MMS22L: variants seen among roughly 807,000 people sequenced by gnomAD.
MMS22L encodes MMS22 like, DNA repair protein.
In MMS22L, 74 loss-of-function variants were observed where a neutral mutation model predicts 159.1. That is an observed-to-expected ratio of 0.47 (90% CI 0.39 to 0.56). The LOEUF (loss-of-function observed/expected upper bound fraction) is 0.56, where lower values mean the gene tolerates loss of function less well. Among genes scored for constraint, MMS22L ranks in the 20% least tolerant of loss-of-function variants. The pLI is 0.00. For missense variants in MMS22L, 1,351 were observed against 1,422.1 expected (o/e 0.95, Z 0.80); for synonymous variants, 517 against 506.9 (o/e 1.02, Z -0.27).
At chr6:97,158,569 T>C (rs776795110) in intron 22 of MMS22L, among the ~76,000 whole-genome samples, 7 of 152,050 alleles carry the variant, frequency 4.6e-5, no homozygotes, top group Non-Finnish European at 8.8e-5. Flanking sequence ...TTGTTATTTA[T>C]CCAGTAGTCA....
chr6:97,195,336 A>C (rs1253796901), intron 14 of MMS22L, among the ~76,000 whole-genome samples: 2 of 152,230 alleles, frequency 1.3e-5, no homozygotes, highest in African/African-American at 4.8e-5. Context: ...GTTCCAGACC[A>C]TGTAAGATCT....
Position 97,145,063 on chromosome 6 carries a change from C to CAA in MMS22L, c.*1742_*1743insTT, listed in dbSNP as rs1233954188. On this transcript the variant is annotated 3_prime_UTR_variant, in exon 25 of 25. Coordinates refer to ENST00000683635, the MANE Select transcript of MMS22L (RefSeq NM_001350599.2). ...ACACACACACACACACACACACACA[C>CAA]ACAAAAACACATATACACATAAATA... 1.8e-4 allele frequency: 25 copies of CAA among 138,716 alleles called. No individual in the cohort carries two copies. Among genetic ancestry groups the CAA allele is most frequent in the African/African-American group, 7.3e-4 (23 of 31,436 alleles). The allele number at this position is 138,716 out of a possible 1,614,324, so 8.6% of individuals were successfully genotyped here.
chr6:97,265,998 G>C (rs1371558952), intron 8 of MMS22L: 2 of 152,216 alleles, frequency 1.3e-5, no homozygotes, highest in Non-Finnish European at 2.9e-5. Flanking sequence ...GGGATTACAG[G>C]CGTGAGCCAC....
At chr6:97,242,068 T>A (rs1347716009) in intron 11 of MMS22L, among the ~76,000 whole-genome samples, 1 of 152,214 alleles carries the variant, frequency 6.6e-6, no homozygotes, top group Non-Finnish European at 1.5e-5. Flanking sequence ...AGAGAATGTA[T>A]ATTCTGCAGT....
intron 14 of MMS22L, among the ~76,000 whole-genome samples, chr6:97,201,112 TA>T (rs1807101980): frequency 6.6e-6 from 1 of 152,138 alleles, no homozygotes; most frequent in Admixed American, 6.6e-5. Context: ...AACCAAAATG[TA>T]AACCTGCTTT....
chr6:97,147,135 C>T (rs1261485637), intron 24 of MMS22L, among the ~76,000 whole-genome samples: 1 of 152,006 alleles, frequency 6.6e-6, no homozygotes, highest in Non-Finnish European at 1.5e-5. Context: ...TGTAAAAGTT[C>T]ATTAACCTTC....
chr6:97,228,912 G>T lies in MMS22L; in HGVS notation c.2021C>A (p.Ala674Asp). The T allele has an allele frequency of 6.2e-7, 1 of 1,613,324 alleles. No individual in the cohort carries two copies. Among genetic ancestry groups the T allele is most frequent in the Non-Finnish European group, 8.5e-7 (1 of 1,179,502 alleles). ...ACCATACCTGATTCTGGCCAGAACA[G>T]CTTGTAGGAAGCTCAATACTGTCCT... ...ELRTVLSFLQ[A>D]VLARIRSMHQ... Residue 674 changes from alanine to aspartate, a missense_variant, in exon 14 of 25, where the codon GCT becomes GAT. Transcript: ENST00000683635.
chr6:97,264,901 CAAGT>C (rs1562521528), intron 8 of MMS22L: 1 of 151,982 alleles, frequency 6.6e-6, no homozygotes, highest in Admixed American at 6.6e-5. Context: ...GAATACAACA[CAAGT>C]AAGTAGAAAA....
chr6:97,214,939 C>A (rs578115600), intron 14 of MMS22L, among the ~76,000 whole-genome samples: 36 of 150,968 alleles, frequency 2.4e-4, no homozygotes, highest in African/African-American at 8.2e-4. Flanking sequence ...CCAGTTGAGG[C>A]CCCCTGAAAG....
intron 18 of MMS22L, among the ~76,000 whole-genome samples, chr6:97,174,265 A>T (rs1471561100): frequency 4.7e-5 from 7 of 150,086 alleles, no homozygotes; most frequent in South Asian, 4.2e-4. Context: ...AAAAATAAAA[A>T]AAAAAAAAAA....
intron 14 of MMS22L, among the ~76,000 whole-genome samples, chr6:97,200,852 G>C (rs1562451657): frequency 6.6e-6 from 1 of 150,660 alleles, no homozygotes; most frequent in Admixed American, 6.6e-5. Context: ...CTAGAAATTG[G>C]AAAAAAAAAT....
chr6:97,215,037 C>G (rs2127957802), intron 14 of MMS22L, among the ~76,000 whole-genome samples: 2 of 149,378 alleles, frequency 1.3e-5, no homozygotes, highest in South Asian at 4.2e-4. Context: ...CTAGAAAATT[C>G]TAGAACAATC....
chr6:97,262,898 G>A (rs1814651223), intron 9 of MMS22L, among the ~76,000 whole-genome samples: 1 of 152,034 alleles, frequency 6.6e-6, no homozygotes, highest in African/African-American at 2.4e-5. Context: ...TGAAGTGAAA[G>A]TTTCTCATCT....
At chr6:97,248,069 G>T (rs1436176173) in intron 10 of MMS22L, among the ~76,000 whole-genome samples, 4 of 152,120 alleles carry the variant, frequency 2.6e-5, no homozygotes, top group Non-Finnish European at 5.9e-5. Flanking sequence ...ACGAGGGTTG[G>T]TCACTAACAG....
intron 21 of MMS22L, 54 bp from the exon 22 acceptor site, chr6:97,162,219 A>G: frequency 6.8e-7 from 1 of 1,480,016 alleles, no homozygotes; most frequent in East Asian, 2.3e-5. Context: ...ATAGAGCAAG[A>G]CCAAATGGCA....
Position 97,267,856 on chromosome 6 carries a change from A to C in MMS22L, c.828+16T>G. 1 of 1,570,276 alleles carries C rather than the reference A, an allele frequency of 6.4e-7. No homozygotes were observed. Among genetic ancestry groups the C allele is most frequent in the Non-Finnish European group, 8.6e-7 (1 of 1,163,386 alleles). On this transcript the variant is annotated intron_variant, in intron 8 of 24. Transcript: ENST00000683635. ...CTGTCTTTAAGTCTCAAAAATACAA[A>C]CTCTTAAAGCATTACCTTGTCGTAC... is the stretch of plus-strand genomic sequence containing the variant.
chr6:97,267,874 T>C lies in MMS22L; in HGVS notation c.826A>G (p.Lys276Glu), dbSNP rs765180600. The C allele has an allele frequency of 1.2e-6, 2 of 1,602,756 alleles. No homozygotes were observed. The highest frequency in any genetic ancestry group is 2.3e-5 in the South Asian group (2 of 88,644). ...AATACAAACTCTTAAAGCATTACCTTGTCGTACCTGTTGAGTGACAGGCTT... is the reference window on the plus strand; with the variant it reads ...AATACAAACTCTTAAAGCATTACCTCGTCGTACCTGTTGAGTGACAGGCTT... Reference protein sequence around the residue: ...LISLSLNRYDKVRSSESLMSD... With the variant: ...LISLSLNRYDEVRSSESLMSD... The change falls in exon 8 of 25, where the codon AAG becomes GAG. Residue 276 changes from lysine (K) to glutamate (E), a missense_variant and splice_region_variant. Transcript: ENST00000683635.
At chr6:97,187,688 A>G (rs761385768) in intron 14 of MMS22L, among the ~76,000 whole-genome samples, 1 of 152,152 alleles carries the variant, frequency 6.6e-6, no homozygotes, top group African/African-American at 2.4e-5. Flanking sequence ...AAGTACTTTA[A>G]AAAAGATGTT....
rs1804749447 is a variant in MMS22L, at chr6:97,181,897, C to T, written c.2384+7G>A. ...TTAATGTGTATGCCTGAAATAAAAGCACGTACCTATTTTGTAGGACATGAC... is the reference window on the plus strand; with the variant it reads ...TTAATGTGTATGCCTGAAATAAAAGTACGTACCTATTTTGTAGGACATGAC... On this transcript the variant is annotated splice_region_variant and intron_variant, in intron 16 of 24. Transcript: ENST00000683635. 6.2e-7 allele frequency: 1 copy of T among 1,609,488 alleles called. No homozygotes were observed. The highest frequency in any genetic ancestry group is 1.7e-5 in the Admixed American group (1 of 59,450).
Sources: allele counts gnomAD v4.1 joint callset (sites outside exome capture counted in the v4.1 genomes callset), GRCh38; gene constraint gnomAD v4.1.1; transcripts MANE v1.5; gene names NCBI Gene and HGNC (gene_info 2026-07-23, HGNC 2026-07-21).